Variants in CCDC28A observed in about 807,000 individuals in gnomAD.
CCDC28A encodes coiled-coil domain-containing protein 28A.
A neutral mutation model predicts 22.1 loss-of-function variants in CCDC28A; 24 were observed. The observed-to-expected ratio is 1.09, with a 90% CI of 0.79 to 1.53. The LOEUF (loss-of-function observed/expected upper bound fraction) is 1.53. Among genes scored for constraint, CCDC28A ranks in the 40% most tolerant of loss-of-function variants. CCDC28A has a pLI of 0.00. For synonymous variants in CCDC28A, 83 were observed against 74.7 expected, an observed-to-expected ratio of 1.11 and a Z score of -0.57; for missense variants, 170 against 210.7, an observed-to-expected ratio of 0.81 and a Z score of 1.20.
At chr6:138,774,571 T>C (rs72985035) in intron 1 of CCDC28A, among the ~76,000 whole-genome samples, 4,815 of 152,350 alleles carry the variant, frequency 0.032, 128 homozygotes, top group Non-Finnish European at 0.041. Flanking sequence ...CATTGGAGCC[T>C]TTCCCAGAAA....
Position 138,773,789 on chromosome 6 carries a change from A to T in CCDC28A, c.-156A>T. The stretch of plus-strand genomic sequence containing the variant: ...CTTCCGTAAACAAACGGAGCTGCGG[A>T]GGAGCGGGTCCCGGGATGTGACCGG... On this transcript the variant is annotated 5_prime_UTR_variant, in exon 1 of 6. Transcript: ENST00000617445. 1 of 1,613,746 alleles carries T rather than the reference A, an allele frequency of 6.2e-7. No individual in the cohort carries two copies. The highest frequency in any genetic ancestry group is 8.5e-7 in the Non-Finnish European group (1 of 1,179,818).
intron 2 of CCDC28A, among the ~76,000 whole-genome samples, chr6:138,779,246 T>G (rs759601189): frequency 1.3e-5 from 2 of 152,152 alleles, no homozygotes; most frequent in African/African-American, 4.8e-5. Context: ...CTGGAGAGAT[T>G]AGATATTTTG....
At chr6:138,784,644 A>G (rs561235462) in intron 3 of CCDC28A, among the ~76,000 whole-genome samples, 1 of 151,678 alleles carries the variant, frequency 6.6e-6, no homozygotes, top group Non-Finnish European at 1.5e-5. Flanking sequence ...TATAGGCATG[A>G]GCCACCATGC....
At chr6:138,784,692 A>G (rs373536456) in intron 3 of CCDC28A, among the ~76,000 whole-genome samples, 87 of 146,190 alleles carry the variant, frequency 6.0e-4, no homozygotes, top group African/African-American at 2.1e-3. Flanking sequence ...AACGTTTCCT[A>G]TATGCTCTTT....
chr6:138,775,470 T>C (rs1273220229), intron 1 of CCDC28A, among the ~76,000 whole-genome samples: 1 of 152,234 alleles, frequency 6.6e-6, no homozygotes, highest in Non-Finnish European at 1.5e-5. Context: ...ACAAGTTTGA[T>C]TTTCTAGAAC....
At chr6:138,778,149 T>TC (rs1774963742) in intron 2 of CCDC28A, among the ~76,000 whole-genome samples, 1 of 152,116 alleles carries the variant, frequency 6.6e-6, no homozygotes. Flanking sequence ...CTTTCTTGTA[T>TC]CCCCCCCTCA....
intron 2 of CCDC28A, 117 bp from the exon 3 acceptor site, chr6:138,779,705 G>T: frequency 2.9e-6 from 2 of 689,406 alleles, no homozygotes; most frequent in South Asian, 2.9e-5. Flanking sequence ...GTTTTGTTTA[G>T]TATTGACTCT....
intron 3 of CCDC28A, among the ~76,000 whole-genome samples, chr6:138,784,229 C>G (rs1170652486): frequency 1.3e-5 from 2 of 152,040 alleles, no homozygotes; most frequent in Non-Finnish European, 2.9e-5. Context: ...TTGGGTCACT[C>G]AGTTAAAATG....
In CCDC28A at chr6:138,793,145, T is replaced by C. The variant is rs1775199107; in HGVS notation, c.*342T>C. 8.4e-6 allele frequency: 2 copies of C among 237,882 alleles called. No individual in the cohort carries two copies. Among genetic ancestry groups the C allele is most frequent in the South Asian group, 6.2e-5 (1 of 16,162 alleles). The allele number at this position is 237,882 out of a possible 1,614,324, so 14.7% of individuals were successfully genotyped here. On this transcript the variant is annotated 3_prime_UTR_variant, in exon 6 of 6. Coordinates refer to ENST00000617445, the MANE Select transcript of CCDC28A (RefSeq NM_015439.3). ...CTCTTTCCTGAGCTCACCAAACTTATTCCAGTGTTGATCGCAAGCTGTTGA... is the reference window on the plus strand; with the variant it reads ...CTCTTTCCTGAGCTCACCAAACTTACTCCAGTGTTGATCGCAAGCTGTTGA...
chr6:138,792,572 A>T (rs1025582742), intron 5 of CCDC28A, among the ~76,000 whole-genome samples, 177 bp from the exon 6 acceptor site: 1 of 152,150 alleles, frequency 6.6e-6, no homozygotes, highest in Non-Finnish European at 1.5e-5. Context: ...AGTATAATTT[A>T]CTACATTTAA....
At position 138,784,699 on chromosome 6, in the gene CCDC28A, CT is replaced by C. The variant is rs58448983; in HGVS notation, c.323-515del. 8.6e-3 allele frequency among the ~76,000 whole-genome samples: 1,226 copies of C among 143,288 alleles called. 11 individuals are homozygous for C. The highest frequency in any genetic ancestry group is 0.025 in the African/African-American group (987 of 39,074). The allele number at this position is 143,288 out of a possible 152,430, so 94.0% of individuals were successfully genotyped here. A position where few individuals can be genotyped will look rare whatever the true frequency, so the allele number is the denominator to read the frequency against. ...TAAAAAGAAACGTTTCCTATATGCTCTTTTTTTTTTTTTGAGACAGAGTCTC... is the reference window on the plus strand; with the variant it reads ...TAAAAAGAAACGTTTCCTATATGCTCTTTTTTTTTTTTGAGACAGAGTCTC... On this transcript the variant is annotated intron_variant, in intron 3 of 5. Coordinates refer to ENST00000617445, the MANE Select transcript of CCDC28A (RefSeq NM_015439.3).
At chr6:138,790,405 C>CTCCCAAAGTG (rs1775155333) in intron 5 of CCDC28A, among the ~76,000 whole-genome samples, 1 of 152,212 alleles carries the variant, frequency 6.6e-6, no homozygotes, top group Admixed American at 6.5e-5. Context: ...CCGCCTTGGC[C>CTCCCAAAGTG]TCCCAAAGTG....
At chr6:138,788,743 C>G (rs148500608) in intron 5 of CCDC28A, among the ~76,000 whole-genome samples, 6 of 151,694 alleles carry the variant, frequency 4.0e-5, no homozygotes, top group Admixed American at 2.6e-4. Flanking sequence ...TTCCCTGCCC[C>G]CTTTGGGTTC....
At chr6:138,786,508 A>G (rs1222929593) in intron 4 of CCDC28A, among the ~76,000 whole-genome samples, 1 of 152,218 alleles carries the variant, frequency 6.6e-6, no homozygotes, top group Non-Finnish European at 1.5e-5. Context: ...TCTTTTGAAT[A>G]AGTAAATGTG....
At chr6:138,779,696 T>C in intron 2 of CCDC28A, 126 bp from the exon 3 acceptor site, 2 of 574,002 alleles carry the variant, frequency 3.5e-6, no homozygotes, top group Non-Finnish European at 2.8e-6. Flanking sequence ...GAGTTTCTGG[T>C]TTTGTTTAGT....
intron 1 of CCDC28A, among the ~76,000 whole-genome samples, chr6:138,774,936 T>TTTTGTTTTGTTTTG (rs574958897): frequency 3.9e-5 from 6 of 151,982 alleles, no homozygotes; most frequent in Non-Finnish European, 7.4e-5. Flanking sequence ...GGAAGGGGTT[T>TTTTGTTTTGTTTTG]TTTTGTTTTG....
intron 5 of CCDC28A, among the ~76,000 whole-genome samples, chr6:138,789,380 C>T (rs924072948): frequency 2.6e-5 from 4 of 152,178 alleles, no homozygotes; most frequent in East Asian, 3.8e-4. Context: ...AATTGTTTAA[C>T]GTCTCAGAGT....
chr6:138,776,681 C>CATAT (rs1395968369), intron 2 of CCDC28A, among the ~76,000 whole-genome samples: 7 of 151,010 alleles, frequency 4.6e-5, no homozygotes, highest in African/African-American at 1.7e-4. Context: ...TTTACACACA[C>CATAT]ACATATATAT....
chr6:138,788,187 C>T (rs1296119776), intron 4 of CCDC28A, among the ~76,000 whole-genome samples, 179 bp from the exon 5 acceptor site: 1 of 151,986 alleles, frequency 6.6e-6, no homozygotes, highest in Non-Finnish European at 1.5e-5. Context: ...TCTGGAGCTC[C>T]TGGGCTCAAG....
Sources: gnomAD v4.1 joint callset for allele counts (sites outside exome capture counted in the v4.1 genomes callset) on GRCh38, gnomAD v4.1.1 for gene constraint, MANE v1.5 for transcripts, NCBI Gene and HGNC (gene_info 2026-07-23, HGNC 2026-07-21) for gene names.